Variants in TGFB2 observed in about 807,000 individuals in gnomAD.
The protein encoded by TGFB2 is transforming growth factor beta-2 proprotein.
In TGFB2, 13 loss-of-function variants were observed where a neutral mutation model predicts 42.7. That is an observed-to-expected ratio of 0.30 (90% CI 0.20 to 0.48). The LOEUF is 0.48. Ranked by LOEUF, TGFB2 falls within the 20% of genes least tolerant of loss-of-function variation. The pLI is 0.99. For missense variants in TGFB2, 390 were observed against 517.5 expected, an observed-to-expected ratio of 0.75 and a Z score of 2.39; for synonymous variants, 193 against 193.6, an observed-to-expected ratio of 1.00 and a Z score of 0.03.
intron 6 of TGFB2, among the ~76,000 whole-genome samples, chr1:218,439,601 G>T (rs747580412): frequency 1.3e-5 from 2 of 152,146 alleles, no homozygotes; most frequent in Non-Finnish European, 2.9e-5. Context: ...CAACTCCCCT[G>T]TAGACTTTGG....
At chr1:218,362,357 A>G (rs1025366351) in intron 1 of TGFB2, among the ~76,000 whole-genome samples, 1 of 152,218 alleles carries the variant, frequency 6.6e-6, no homozygotes, top group Admixed American at 6.5e-5. Flanking sequence ...ATAGGCAGTC[A>G]GGGCTTCTTT....
intron 1 of TGFB2, among the ~76,000 whole-genome samples, chr1:218,382,820 A>G (rs1466143649): frequency 6.6e-6 from 1 of 152,194 alleles, no homozygotes; most frequent in African/African-American, 2.4e-5. Context: ...TCTGCTCCCA[A>G]CACAATCACT....
At chr1:218,384,919 A>G (rs1658083103) in intron 1 of TGFB2, among the ~76,000 whole-genome samples, 1 of 152,212 alleles carries the variant, frequency 6.6e-6, no homozygotes, top group Non-Finnish European at 1.5e-5. Flanking sequence ...CTGCCCCCAG[A>G]GCACATTGCA....
intron 1 of TGFB2, among the ~76,000 whole-genome samples, chr1:218,373,625 T>A (rs1657645858): frequency 1.3e-5 from 2 of 152,118 alleles, no homozygotes; most frequent in Non-Finnish European, 2.9e-5. Context: ...TGTAGTAACA[T>A]CACGTGTAAT....
chr1:218,414,022 T>C lies in TGFB2; in HGVS notation c.510+8690T>C, dbSNP rs144673948. 3.9e-5 allele frequency among the ~76,000 whole-genome samples: 6 copies of C among 152,324 alleles called. No individual in the cohort carries two copies. In the East Asian group the frequency reaches 1.2e-3, roughly 29 times the overall value. ...AATCATCAGCTACCTTTACTGGACATTGCATATGTAACATCTCTGCAACAG... is the reference window on the plus strand; with the variant it reads ...AATCATCAGCTACCTTTACTGGACACTGCATATGTAACATCTCTGCAACAG... On this transcript the variant is annotated intron_variant, in intron 2 of 6. Transcript: ENST00000366930.
intron 2 of TGFB2, among the ~76,000 whole-genome samples, chr1:218,408,857 G>T (rs1203846501): frequency 6.6e-6 from 1 of 152,066 alleles, no homozygotes; most frequent in Non-Finnish European, 1.5e-5. Context: ...TACTTTTATT[G>T]TGCACTTTAT....
rs1656623166 is a variant in TGFB2, at chr1:218,345,366, T to A, written c.-1336T>A. On this transcript the variant is annotated 5_prime_UTR_variant, in exon 1 of 7. Coordinates refer to ENST00000366930, the MANE Select transcript of TGFB2 (RefSeq NM_003238.6). ...TATCTGCTGGCAGCAGAAGGTTCGC[T>A]CCGAGCGGAGCTCCAGAAGCTCCTG... 6.6e-6 allele frequency: 1 copy of A among 152,176 alleles called. No individual in the cohort carries two copies. Among genetic ancestry groups the A allele is most frequent in the East Asian group, 1.9e-4 (1 of 5,192 alleles). The allele number at this position is 152,176 out of a possible 1,614,324, so 9.4% of individuals were successfully genotyped here.
chr1:218,362,552 ATCT>A (rs1358327953), intron 1 of TGFB2, among the ~76,000 whole-genome samples: 3 of 152,226 alleles, frequency 2.0e-5, no homozygotes, highest in Non-Finnish European at 2.9e-5. Flanking sequence ...TTGAATTAAC[ATCT>A]TCTTCTGCAA....
intron 2 of TGFB2, among the ~76,000 whole-genome samples, chr1:218,409,318 GC>G: frequency 6.6e-6 from 1 of 152,310 alleles, no homozygotes; most frequent in South Asian, 2.1e-4. Flanking sequence ...GACCACAGAA[GC>G]AATGCCTGTT....
rs2102594799 is a variant in TGFB2, at chr1:218,405,199, A to G, written c.377A>G (p.Tyr126Cys). ...NAIPPTFYRP[Y>C]FRIVRFDVSA... ...ATCCCGCCCACTTTCTACAGACCCT[A>G]CTTCAGAATTGTTCGATTTGACGTC... Residue 126 changes from tyrosine (Y) to cysteine (C), a missense_variant, in exon 2 of 7, where the codon TAC (tyrosine) becomes TGC (cysteine). Coordinates refer to ENST00000366930, the MANE Select transcript of TGFB2 (RefSeq NM_003238.6). The G allele has an allele frequency of 6.2e-7, 1 of 1,607,498 alleles. No homozygotes were observed. Among genetic ancestry groups the G allele is most frequent in the Non-Finnish European group, 8.5e-7 (1 of 1,174,812 alleles).
At position 218,346,198 on chromosome 1, in the gene TGFB2, G is replaced by T; in HGVS notation, c.-504G>T. On this transcript the variant is annotated 5_prime_UTR_variant, in exon 1 of 7. The change creates a new upstream start codon in the 5' untranslated region. Coordinates refer to ENST00000366930, the MANE Select transcript of TGFB2 (RefSeq NM_003238.6). This position sits in a 1 kb window ranked among gnomAD's most constrained non-coding sequence, Gnocchi z 4.9. ...CTTTAAATATATAAATTTCAGCCCA[G>T]GTCAGCCTCGGCGGCCCCCCTCACC... 1 of 158,738 alleles carries T rather than the reference G, an allele frequency of 6.3e-6. No homozygotes were observed. The highest frequency in any genetic ancestry group is 1.4e-5 in the Non-Finnish European group (1 of 73,068). The allele number at this position is 158,738 out of a possible 1,614,324, so 9.8% of individuals were successfully genotyped here.
chr1:218,393,429 A>T (rs546908312), intron 1 of TGFB2, among the ~76,000 whole-genome samples: 1 of 152,330 alleles, frequency 6.6e-6, no homozygotes, highest in South Asian at 2.1e-4. Flanking sequence ...CTAAATTTCC[A>T]AGTTTAATTC....
intron 1 of TGFB2, among the ~76,000 whole-genome samples, chr1:218,365,932 T>C (rs1204222492): frequency 6.6e-6 from 1 of 152,220 alleles, no homozygotes; most frequent in African/African-American, 2.4e-5. Flanking sequence ...TTTCTCACTC[T>C]AACCTGGGTG....
At chr1:218,371,064 C>T (rs1313991765) in intron 1 of TGFB2, among the ~76,000 whole-genome samples, 4 of 152,190 alleles carry the variant, frequency 2.6e-5, no homozygotes, top group Admixed American at 1.3e-4. Flanking sequence ...CTTTGGAAGG[C>T]CCGGTGGGAG....
chr1:218,365,898 G>C (rs370298459), intron 1 of TGFB2, among the ~76,000 whole-genome samples: 4 of 152,282 alleles, frequency 2.6e-5, no homozygotes, highest in East Asian at 1.9e-4. Context: ...TGAAGTGAGC[G>C]TGAGGCCTGT....
At chr1:218,401,651 C>G (rs1263022001) in intron 1 of TGFB2, among the ~76,000 whole-genome samples, 1 of 152,180 alleles carries the variant, frequency 6.6e-6, no homozygotes, top group African/African-American at 2.4e-5. Context: ...GGAATAGGAA[C>G]TGGGATGCGC....
Position 218,434,128 on chromosome 1 carries a change from A to G in TGFB2, c.557A>G (p.Asp186Gly), listed in dbSNP as rs754008150. 10 of 1,614,168 alleles carry G rather than the reference A, an allele frequency of 6.2e-6. No homozygotes were observed. Among genetic ancestry groups the G allele is most frequent in the Middle Eastern group, 1.6e-4 (1 of 6,062 alleles). Residue 186 changes from aspartate to glycine, a missense_variant, in exon 3 of 7, where the codon GAC becomes GGC. Asp to Gly is a moderately conservative substitution (Grantham distance 94). Transcript: ENST00000366930. ...DLTSPTQRYI[D>G]SKVVKTRAEG... Reference sequence around the variant, plus strand: ...ACATCTCCAACCCAGCGCTACATCGACAGCAAAGTTGTGAAAACAAGAGCA... The same window carrying G: ...ACATCTCCAACCCAGCGCTACATCGGCAGCAAAGTTGTGAAAACAAGAGCA...
intron 2 of TGFB2, among the ~76,000 whole-genome samples, chr1:218,413,044 A>G (rs768700514): frequency 2.0e-5 from 3 of 152,146 alleles, no homozygotes; most frequent in Non-Finnish European, 2.9e-5. Flanking sequence ...AAGTGTGCAA[A>G]TGTCCAAGGC....
intron 1 of TGFB2, among the ~76,000 whole-genome samples, chr1:218,392,493 G>C (rs1343947605): frequency 6.6e-6 from 1 of 152,218 alleles, no homozygotes; most frequent in Non-Finnish European, 1.5e-5. Context: ...GTCAGCCTGA[G>C]GTAGGGAAGA....
Sources: gnomAD v4.1 joint callset for allele counts (sites outside exome capture counted in the v4.1 genomes callset) on GRCh38, gnomAD v4.1.1 for gene constraint, Gnocchi (gnomAD v3.1) non-coding constraint, MANE v1.5 for transcripts, NCBI Gene and HGNC (gene_info 2026-07-23, HGNC 2026-07-21) for gene names.